The following DCDC2C variants were observed in gnomAD, a reference collection of about 807,000 sequenced individuals.
DCDC2C encodes the protein doublecortin domain-containing protein 2C.
In DCDC2C, 44 loss-of-function variants were observed where a neutral mutation model predicts 45.0. The ratio of observed to expected loss-of-function variants is 0.98; its 90% confidence interval spans 0.77 to 1.26. The LOEUF (loss-of-function observed/expected upper bound fraction) is 1.26. Ranked by LOEUF, DCDC2C falls within the 50% of genes most tolerant of loss-of-function variation. The pLI, the probability that DCDC2C is intolerant of heterozygous loss-of-function variation, is 0.00. For missense variants in DCDC2C, 447 were observed against 468.9 expected (o/e 0.95, Z 0.43); for synonymous variants, 187 against 178.8 (o/e 1.05, Z -0.37).
intron 6 of DCDC2C, among the ~76,000 whole-genome samples, chr2:3,767,278 A>G (rs1572600179): frequency 6.6e-6 from 1 of 152,128 alleles, no homozygotes; most frequent in Admixed American, 6.5e-5. Flanking sequence ...CCTTATTGCA[A>G]CCCCAAAGTA....
chr2:3,714,716 T>C (rs963340674), intron 2 of DCDC2C, among the ~76,000 whole-genome samples: 3 of 152,254 alleles, frequency 2.0e-5, no homozygotes, highest in African/African-American at 7.2e-5. Flanking sequence ...GTGTTTTACA[T>C]GATTTCCTGC....
intron 4 of DCDC2C, among the ~76,000 whole-genome samples, chr2:3,751,663 A>G (rs1669546324): frequency 6.6e-6 from 1 of 152,148 alleles, no homozygotes; most frequent in Non-Finnish European, 1.5e-5. Context: ...GATAGGTTCT[A>G]TAGATTCCTC....
At chr2:3,737,539 C>T (rs1017753292) in intron 3 of DCDC2C, among the ~76,000 whole-genome samples, 8 of 152,188 alleles carry the variant, frequency 5.3e-5, no homozygotes, top group Admixed American at 3.3e-4. Context: ...TTCTACCTTG[C>T]TTTTCAACAG....
intron 10 of DCDC2C, among the ~76,000 whole-genome samples, chr2:3,832,007 G>A (rs1671962594): frequency 6.6e-6 from 1 of 152,152 alleles, no homozygotes; most frequent in South Asian, 2.1e-4. Context: ...AGTGTCTCCT[G>A]GCATGGCGAG....
intron 2 of DCDC2C, among the ~76,000 whole-genome samples, chr2:3,718,206 C>T (rs896356635): frequency 6.6e-6 from 1 of 152,174 alleles, no homozygotes; most frequent in East Asian, 1.9e-4. Flanking sequence ...TGAGTACTTA[C>T]GGGAAGGCTG....
At chr2:3,765,289 C>T (rs779799939) in intron 6 of DCDC2C, among the ~76,000 whole-genome samples, 19 of 152,198 alleles carry the variant, frequency 1.2e-4, no homozygotes, top group Admixed American at 3.9e-4. Context: ...ATTGAACACA[C>T]GCACATATTG....
At chr2:3,712,963 G>A (rs1668254290) in intron 2 of DCDC2C, among the ~76,000 whole-genome samples, 1 of 152,146 alleles carries the variant, frequency 6.6e-6, no homozygotes, top group Admixed American at 6.5e-5. Flanking sequence ...TGGAAAAATA[G>A]CAACCATGTG....
chr2:3,834,320 C>G (rs1672022077), intron 10 of DCDC2C, among the ~76,000 whole-genome samples: 1 of 152,196 alleles, frequency 6.6e-6, no homozygotes, highest in South Asian at 2.1e-4. Context: ...TAGCTTCACT[C>G]TCCTAAAAAT....
chr2:3,769,594 C>T (rs938640045), intron 8 of DCDC2C, among the ~76,000 whole-genome samples, 183 bp downstream of exon 8: 2 of 152,226 alleles, frequency 1.3e-5, no homozygotes, highest in African/African-American at 4.8e-5. Flanking sequence ...TGTCTTCCCA[C>T]CTCCCCCACA....
At chr2:3,753,752 C>T (rs946897992) in intron 5 of DCDC2C, among the ~76,000 whole-genome samples, 3 of 152,102 alleles carry the variant, frequency 2.0e-5, no homozygotes, top group Non-Finnish European at 4.4e-5. Flanking sequence ...GAGGGCGCAG[C>T]GTCCGGGATG....
Position 3,703,704 on chromosome 2 carries a change from C to T in DCDC2C, c.-48C>T. 8.2e-7 allele frequency: 1 copy of T among 1,224,190 alleles called. No homozygotes were observed. 75.8% of individuals were successfully genotyped at this position (1,224,190 alleles called of 1,614,324 possible). On this transcript the variant is annotated 5_prime_UTR_variant, in exon 1 of 11. Coordinates refer to ENST00000399143, the MANE Select transcript of DCDC2C (RefSeq NM_001287444.2). The surrounding 1 kb of genome is among the most constrained non-coding windows in gnomAD (Gnocchi z 4.4). ...GCGGCTCTGCAGGCGTCGCTGCCCG[C>T]GCTGCCGCAGCCTCTCGGCCCCGGC...
At chr2:3,766,514 A>T (rs557837108) in intron 6 of DCDC2C, among the ~76,000 whole-genome samples, 1 of 152,324 alleles carries the variant, frequency 6.6e-6, no homozygotes, top group African/African-American at 2.4e-5. Context: ...TCTCCTTAAG[A>T]ACATGATTTC....
chr2:3,717,414 A>G (rs2148055452), intron 2 of DCDC2C, among the ~76,000 whole-genome samples: 1 of 152,036 alleles, frequency 6.6e-6, no homozygotes, highest in South Asian at 2.1e-4. Flanking sequence ...AAACGTGAGC[A>G]TTTTTCTCAA....
At chr2:3,726,412 AG>A (rs567570700) in intron 2 of DCDC2C, among the ~76,000 whole-genome samples, 514 of 152,238 alleles carry the variant, frequency 3.4e-3, no homozygotes, top group Non-Finnish European at 5.8e-3. Flanking sequence ...GACAGGTCTC[AG>A]TAGTTCTTTT....
intron 6 of DCDC2C, among the ~76,000 whole-genome samples, chr2:3,759,369 AG>A (rs1303754056): frequency 6.6e-6 from 1 of 152,240 alleles, no homozygotes; most frequent in Non-Finnish European, 1.5e-5. Flanking sequence ...TAGAACTTCT[AG>A]GAAATTAAAG....
chr2:3,845,008 T>C (rs1156467032), intron 10 of DCDC2C, among the ~76,000 whole-genome samples: 3 of 152,228 alleles, frequency 2.0e-5, no homozygotes, highest in Non-Finnish European at 4.4e-5. Context: ...TCTATGTACA[T>C]GCATTTGCCG....
chr2:3,735,173 G>T (rs1252156005), intron 3 of DCDC2C, among the ~76,000 whole-genome samples: 2 of 152,092 alleles, frequency 1.3e-5, no homozygotes, highest in Non-Finnish European at 2.9e-5. Context: ...GGTCCTTTTT[G>T]CTAACACCCT....
chr2:3,833,395 A>G (rs1671999094), intron 10 of DCDC2C, among the ~76,000 whole-genome samples: 1 of 152,166 alleles, frequency 6.6e-6, no homozygotes, highest in Non-Finnish European at 1.5e-5. Context: ...AAGCTTCTGT[A>G]TCTTGTAGTC....
At chr2:3,778,356 C>T (rs1021116088) in intron 8 of DCDC2C, among the ~76,000 whole-genome samples, 2 of 152,282 alleles carry the variant, frequency 1.3e-5, no homozygotes, top group Admixed American at 1.3e-4. Flanking sequence ...GGGAGAGGCT[C>T]CAGGACACAG....
Sources: gnomAD v4.1 joint callset for allele counts (sites outside exome capture counted in the v4.1 genomes callset) on GRCh38, gnomAD v4.1.1 for gene constraint, Gnocchi (gnomAD v3.1) non-coding constraint, MANE v1.5 for transcripts, NCBI Gene and HGNC (gene_info 2026-07-23, HGNC 2026-07-21) for gene names.